The following GRID2 variants were observed in gnomAD, a reference collection of about 807,000 sequenced individuals.
GRID2 encodes the protein glutamate receptor ionotropic, delta-2.
A neutral mutation model predicts 114.8 loss-of-function variants in GRID2; 33 were observed. That is an observed-to-expected ratio of 0.29 (90% CI 0.22 to 0.38). The LOEUF is 0.38. Ranked by LOEUF, GRID2 falls within the 10% of genes least tolerant of loss-of-function variation. The pLI, the probability that GRID2 is intolerant of heterozygous loss-of-function variation, is 1.00. For synonymous variants in GRID2, 505 were observed against 449.9 expected, an observed-to-expected ratio of 1.12 and a Z score of -1.55; for missense variants, 1,184 against 1,257.7, an observed-to-expected ratio of 0.94 and a Z score of 0.89.
At chr4:93,423,348 T>A (rs1289800582) in intron 10 of GRID2, among the ~76,000 whole-genome samples, 1 of 118,058 alleles carries the variant, frequency 8.5e-6, no homozygotes, top group African/African-American at 3.3e-5. Flanking sequence ...TTTTTTTTTT[T>A]TTTTTTTTTT....
rs141127369 is a variant in GRID2, at chr4:93,274,561, C to G, written c.1245+36071C>G. ...TTTCATTTCATATCACTTCTCATTT[C>G]TACAAGGTTTTAGGTACAATATGAA... is the stretch of plus-strand genomic sequence containing the variant. On this transcript the variant is annotated intron_variant, in intron 8 of 15. Transcript: ENST00000282020. 1.8e-3 allele frequency among the ~76,000 whole-genome samples: 267 copies of G among 152,164 alleles called. 1 individual carries two copies. The Middle Eastern group carries it at 0.024, about 14-fold the overall frequency.
At chr4:93,510,393 G>T (rs4693327) in intron 12 of GRID2, among the ~76,000 whole-genome samples, 1 of 152,042 alleles carries the variant, frequency 6.6e-6, no homozygotes, top group African/African-American at 2.4e-5. Context: ...GACATCTACT[G>T]TCTTGTTAAA....
At chr4:93,656,971 C>A (rs1458101414) in intron 14 of GRID2, among the ~76,000 whole-genome samples, 2 of 147,716 alleles carry the variant, frequency 1.4e-5, no homozygotes, top group Non-Finnish European at 3.0e-5. Context: ...TTTGTTTTTT[C>A]AGGTAGTTTT....
chr4:92,424,840 C>T lies in GRID2; in HGVS notation c.88+120096C>T, dbSNP rs141864296. Among the ~76,000 whole-genome samples, 481 of 151,746 alleles carry T rather than the reference C, an allele frequency of 3.2e-3. 3 individuals are homozygous for T. The highest frequency in any genetic ancestry group is 0.011 in the African/African-American group (444 of 41,490). Reference sequence around the variant, plus strand: ...ACAAAAAATACTACTTTTTATACTCCTCTGATTAAACAAAAATTCAAAAGT... The same window carrying T: ...ACAAAAAATACTACTTTTTATACTCTTCTGATTAAACAAAAATTCAAAAGT... On this transcript the variant is annotated intron_variant, in intron 1 of 15. Transcript: ENST00000282020.
rs75267624 is a variant in GRID2, at chr4:93,429,789, T to C, written c.1545+6821T>C. ...ATAGTGATGTTTCCATGTTAAAATA[T>C]AGCACCATTGAGAGTCCTATCTCTC... On this transcript the variant is annotated intron_variant, in intron 10 of 15. Coordinates refer to ENST00000282020, the MANE Select transcript of GRID2 (RefSeq NM_001510.4). 2.9e-3 allele frequency among the ~76,000 whole-genome samples: 437 copies of C among 152,334 alleles called. 2 individuals are homozygous for C. The highest frequency in any genetic ancestry group is 0.01 in the African/African-American group (420 of 41,584).
chr4:92,771,589 A>G (rs1022227895), intron 2 of GRID2, among the ~76,000 whole-genome samples: 3 of 152,156 alleles, frequency 2.0e-5, no homozygotes, highest in African/African-American at 7.2e-5. Context: ...ATGGTCTAAG[A>G]TGTTGTTTGT....
intron 2 of GRID2, among the ~76,000 whole-genome samples, chr4:92,598,178 G>C (rs918164596): frequency 2.0e-5 from 3 of 152,104 alleles, no homozygotes; most frequent in Non-Finnish European, 2.9e-5. Context: ...CAATAAGCCA[G>C]TGTGCAATAG....
At chr4:92,773,739 G>A (rs1346982801) in intron 2 of GRID2, among the ~76,000 whole-genome samples, 1 of 151,908 alleles carries the variant, frequency 6.6e-6, no homozygotes, top group East Asian at 1.9e-4. Context: ...AGAGGCCACA[G>A]TCACACTATA....
chr4:93,166,688 C>G lies in GRID2; in HGVS notation c.736-40716C>G, dbSNP rs1023180391. 5.3e-5 allele frequency among the ~76,000 whole-genome samples: 8 copies of G among 152,190 alleles called. 1 individual carries two copies. Among genetic ancestry groups the G allele is most frequent in the African/African-American group, 1.9e-4 (8 of 41,552 alleles). On this transcript the variant is annotated intron_variant, in intron 4 of 15. Coordinates refer to ENST00000282020, the MANE Select transcript of GRID2 (RefSeq NM_001510.4). ...TAGGGATAATGCAGGGATATAATCT[C>G]TTCTGGCCAGAGCTGCTTGTCAGAC...
intron 1 of GRID2, among the ~76,000 whole-genome samples, chr4:92,307,652 T>C (rs995937393): frequency 3.9e-5 from 6 of 152,290 alleles, no homozygotes; most frequent in African/African-American, 1.2e-4. Flanking sequence ...TAAACCATAA[T>C]GATTGAAATG....
intron 4 of GRID2, among the ~76,000 whole-genome samples, chr4:93,114,451 T>C (rs564993333): frequency 1.3e-5 from 2 of 152,302 alleles, no homozygotes; most frequent in East Asian, 3.9e-4. Context: ...CTTTTCTGTC[T>C]TTCCCCACTC....
At chr4:92,850,487 AT>A in intron 2 of GRID2, among the ~76,000 whole-genome samples, 1 of 152,062 alleles carries the variant, frequency 6.6e-6, no homozygotes, top group Admixed American at 6.6e-5. Flanking sequence ...TGACATAGAT[AT>A]GGTTTTATTT....
chr4:92,640,567 G>A (rs1307573112), intron 2 of GRID2, among the ~76,000 whole-genome samples: 1 of 151,780 alleles, frequency 6.6e-6, no homozygotes, highest in African/African-American at 2.4e-5. Context: ...TTAGATTACA[G>A]AATGGAAGAA....
intron 2 of GRID2, among the ~76,000 whole-genome samples, chr4:93,024,392 TTTA>T (rs1723685210): frequency 6.6e-6 from 1 of 151,774 alleles, no homozygotes; most frequent in South Asian, 2.1e-4. Flanking sequence ...TACCATAGAA[TTTA>T]TTATGAGAAC....
At chr4:92,803,436 G>C (rs1053665138) in intron 2 of GRID2, among the ~76,000 whole-genome samples, 1 of 152,078 alleles carries the variant, frequency 6.6e-6, no homozygotes, top group South Asian at 2.1e-4. Context: ...AGACGGGAAA[G>C]AAAATATATT....
chr4:93,009,962 TCTG>T (rs1210232645), intron 2 of GRID2, among the ~76,000 whole-genome samples: 1 of 152,044 alleles, frequency 6.6e-6, no homozygotes, highest in Non-Finnish European at 1.5e-5. Flanking sequence ...TTGGCCTCTT[TCTG>T]TCCATAAGTA....
intron 2 of GRID2, among the ~76,000 whole-genome samples, chr4:93,032,816 A>G (rs988750982): frequency 1.3e-5 from 2 of 152,168 alleles, no homozygotes; most frequent in African/African-American, 4.8e-5. Flanking sequence ...ACCCCAAACA[A>G]TCAAGCAATG....
chr4:92,911,788 TTA>T (rs1748400800), intron 2 of GRID2, among the ~76,000 whole-genome samples: 1 of 151,822 alleles, frequency 6.6e-6, no homozygotes, highest in African/African-American at 2.4e-5. Flanking sequence ...TTTTTTTTTT[TTA>T]CAAGAACAAT....
chr4:92,585,688 A>G lies in GRID2; in HGVS notation c.89-4443A>G, dbSNP rs56885167. Among the ~76,000 whole-genome samples the G allele has an allele frequency of 6.8e-3, 1,041 of 152,014 alleles. 11 individuals are homozygous for G. Among genetic ancestry groups the G allele is most frequent in the African/African-American group, 0.022 (909 of 41,540 alleles). On this transcript the variant is annotated intron_variant, in intron 1 of 15. Coordinates refer to ENST00000282020, the MANE Select transcript of GRID2 (RefSeq NM_001510.4). ...TTTTTTCTCAATATTGTTAGAGGAA[A>G]TTATGTGCAGGATGAACACATAATT...
Sources: gnomAD v4.1 joint callset for allele counts (sites outside exome capture counted in the v4.1 genomes callset) on GRCh38, gnomAD v4.1.1 for gene constraint, MANE v1.5 for transcripts, NCBI Gene and HGNC (gene_info 2026-07-23, HGNC 2026-07-21) for gene names.